The following ATAD1 variants were observed in gnomAD, a reference collection of about 807,000 sequenced individuals.
The protein encoded by ATAD1 is outer mitochondrial transmembrane helix translocase.
A neutral mutation model predicts 42.7 loss-of-function variants in ATAD1; 18 were observed. The observed-to-expected ratio is 0.42, with a 90% CI of 0.29 to 0.63. The LOEUF (loss-of-function observed/expected upper bound fraction) is 0.63. Among genes scored for constraint, ATAD1 ranks in the 20% least tolerant of loss-of-function variants. The pLI, the probability that ATAD1 is intolerant of heterozygous loss-of-function variation, is 0.19. For missense variants in ATAD1, 294 were observed against 440.4 expected, an observed-to-expected ratio of 0.67 and a Z score of 2.98; for synonymous variants, 132 against 143.1, an observed-to-expected ratio of 0.92 and a Z score of 0.55.
At chr10:87,759,668 G>A (rs1854391334) in intron 8 of ATAD1, 1 of 409,922 alleles carries the variant, frequency 2.4e-6, no homozygotes, top group Non-Finnish European at 4.9e-6. Flanking sequence ...TCCAGTCACT[G>A]GGGGAGCAAG....
At position 87,824,944 on chromosome 10, in the gene ATAD1, G is replaced by A. The variant is rs141063452; in HGVS notation, c.-13-10332C>T. 3.5e-3 allele frequency among the ~76,000 whole-genome samples: 532 copies of A among 152,216 alleles called. 1 individual carries two copies. The highest frequency in any genetic ancestry group is 0.031 in the Middle Eastern group (9 of 294). ...CGACCCAAAGATAATAAAGTTTAAC[G>A]TATTTATCGATCCATGAAAATTATG... On this transcript the variant is annotated intron_variant, in intron 1 of 4. Transcript: ENST00000495903.
rs1326810949 is a variant in ATAD1 at position 87,756,881 on chromosome 10, A to C, written c.873T>G (p.Thr291=). ...HVDLLEVAQE[T]DGFSGSDLKE... ...TTAGGTCACTTCCTGAAAACCCATC[A>C]GTTTCCTGGGCAACTTCTAGCAGGT... The change falls in exon 9 of 10, where the codon ACT becomes ACG. Residue 291 remains threonine (T), a synonymous_variant. Transcript: ENST00000680024. The C allele has an allele frequency of 1.9e-6, 3 of 1,612,712 alleles. No homozygotes were observed. In the South Asian group the frequency reaches 3.3e-5, roughly 18 times the overall value.
At chr10:87,790,456 ATT>A (rs1564761182) in intron 3 of ATAD1, 26 bp from the exon 4 acceptor site, 2 of 1,583,748 alleles carry the variant, frequency 1.3e-6, no homozygotes, top group African/African-American at 2.7e-5. Context: ...GTCAACATGA[ATT>A]TTACTACAAA....
At position 87,814,471 on chromosome 10, in the gene ATAD1, T is replaced by C. The variant is rs756999617; in HGVS notation, c.129A>G (p.Pro43=). ...TIKWMVDAID[P]TRKQKVEAQK... ...GAGCTTCTACTTTTTGCTTTCTGGT[T>C]GGATCAATTGCATCTACCATCCATT... Residue 43 remains proline, a synonymous_variant, in exon 2 of 10, where the codon CCA becomes CCG. Transcript: ENST00000680024. 1.5e-5 allele frequency: 24 copies of C among 1,602,298 alleles called. No individual in the cohort carries two copies. Among genetic ancestry groups the C allele is most frequent in the Non-Finnish European group, 1.8e-5 (21 of 1,174,768 alleles).
rs71022506 is a variant in ATAD1 at position 87,798,625 on chromosome 10, GGTGTGTGTGT to G, written c.163-5880_163-5871del. Among the ~76,000 whole-genome samples, 179 of 124,934 alleles carry G rather than the reference GGTGTGTGTGT, an allele frequency of 1.4e-3. 3 individuals carry two copies. Among genetic ancestry groups the G allele is most frequent in the African/African-American group, 5.1e-3 (168 of 32,852 alleles). The allele number at this position is 124,934 out of a possible 152,430, so 82.0% of individuals were successfully genotyped here. A position where few individuals can be genotyped will look rare whatever the true frequency, so the allele number is the denominator to read the frequency against. Reference sequence around the variant, plus strand: ...AAGTTCCAAAGTAAAAGCTATAGGGGGTGTGTGTGTGTGTGTGTGTGTGTGTGTGTATTTA... The same window carrying G: ...AAGTTCCAAAGTAAAAGCTATAGGGGGTGTGTGTGTGTGTGTGTGTATTTA... On this transcript the variant is annotated intron_variant, in intron 2 of 9. Transcript: ENST00000680024.
chr10:87,804,364 A>T lies in ATAD1; in HGVS notation c.162+10074T>A, dbSNP rs57337081. ...ACTAAACCACAATTTCAAGAAAATT[A>T]TATAGTCTAATTATTATTATTTTGA... On this transcript the variant is annotated intron_variant, in intron 2 of 9. Coordinates refer to ENST00000680024, the MANE Select transcript of ATAD1 (RefSeq NM_001321967.2). 9.5e-3 allele frequency among the ~76,000 whole-genome samples: 1,454 copies of T among 152,252 alleles called. 33 individuals are homozygous for T. Among genetic ancestry groups the T allele is most frequent in the African/African-American group, 0.033 (1,370 of 41,530 alleles).
intron 1 of ATAD1, among the ~76,000 whole-genome samples, chr10:87,839,057 G>C (rs373499330): frequency 6.6e-6 from 1 of 152,172 alleles, no homozygotes; most frequent in East Asian, 1.9e-4. Context: ...TTTTCTGCAA[G>C]ATTTATAACA....
intron 2 of ATAD1, among the ~76,000 whole-genome samples, chr10:87,814,156 T>C (rs1857309397): frequency 6.6e-6 from 1 of 152,144 alleles, no homozygotes; most frequent in Admixed American, 6.5e-5. Flanking sequence ...ATCTAGATCC[T>C]ACCTCCAAAG....
chr10:87,755,869 T>G (rs1370029082), intron 9 of ATAD1, among the ~76,000 whole-genome samples: 1 of 151,908 alleles, frequency 6.6e-6, no homozygotes, highest in Non-Finnish European at 1.5e-5. Context: ...ACCACTTCAC[T>G]CCAGCCTGGG....
At chr10:87,802,658 C>G (rs1197329845) in intron 2 of ATAD1, among the ~76,000 whole-genome samples, 1 of 148,820 alleles carries the variant, frequency 6.7e-6, no homozygotes, top group African/African-American at 2.5e-5. Flanking sequence ...AAAAAAAAAG[C>G]CTATGTAACA....
chr10:87,791,436 C>A (rs1270238591), intron 3 of ATAD1, among the ~76,000 whole-genome samples: 1 of 148,594 alleles, frequency 6.7e-6, no homozygotes, highest in Non-Finnish European at 1.5e-5. Context: ...AGGGAAGGTG[C>A]AAACCAGCAG....
rs541927768 is a variant in ATAD1, at chr10:87,800,439, A to C, written c.163-7684T>G. Among the ~76,000 whole-genome samples, 7 of 152,148 alleles carry C rather than the reference A, an allele frequency of 4.6e-5. No homozygotes were observed. In the South Asian group the frequency reaches 1.5e-3, roughly 32 times the overall value. ...CTGTTTGTTATGGCCTGATGCTAACAATGTTTTCATGAATATCCAAAGGAA... is the reference window on the plus strand; with the variant it reads ...CTGTTTGTTATGGCCTGATGCTAACCATGTTTTCATGAATATCCAAAGGAA... On this transcript the variant is annotated intron_variant, in intron 2 of 9. Transcript: ENST00000680024.
intron 1 of ATAD1, among the ~76,000 whole-genome samples, chr10:87,839,724 T>G (rs891858568): frequency 2.0e-5 from 3 of 151,548 alleles, no homozygotes; most frequent in African/African-American, 7.3e-5. Flanking sequence ...CCGCCCCCAG[T>G]AATCTTCTCC....
intron 4 of ATAD1, among the ~76,000 whole-genome samples, chr10:87,786,722 C>T (rs1379644677): frequency 6.6e-6 from 1 of 151,876 alleles, no homozygotes; most frequent in African/African-American, 2.4e-5. Flanking sequence ...TTTGGGAGGG[C>T]GAGGTGGGCA....
At chr10:87,829,422 A>AT (rs1257193948) in intron 1 of ATAD1, among the ~76,000 whole-genome samples, 37 of 151,742 alleles carry the variant, frequency 2.4e-4, no homozygotes, top group African/African-American at 8.2e-4. Flanking sequence ...TGCCCAGCTA[A>AT]TTTTTTGTAT....
chr10:87,827,884 C>A (rs1177322039), intron 1 of ATAD1, among the ~76,000 whole-genome samples: 1 of 152,130 alleles, frequency 6.6e-6, no homozygotes, highest in Non-Finnish European at 1.5e-5. Context: ...CTGAAATAGA[C>A]CAAAAGCTAG....
intron 4 of ATAD1, among the ~76,000 whole-genome samples, 195 bp from the exon 5 acceptor site, chr10:87,784,865 T>C (rs1331789953): frequency 1.3e-5 from 2 of 152,198 alleles, no homozygotes; most frequent in Non-Finnish European, 1.5e-5. Context: ...GTTAAGAGCA[T>C]GTATTTGGGG....
intron 4 of ATAD1, among the ~76,000 whole-genome samples, chr10:87,785,909 C>G (rs915233453): frequency 6.6e-6 from 1 of 152,048 alleles, no homozygotes; most frequent in African/African-American, 2.4e-5. Flanking sequence ...TCATATGAAA[C>G]TAAACTTTTC....
intron 8 of ATAD1, among the ~76,000 whole-genome samples, chr10:87,761,170 G>A (rs1490168554): frequency 1.3e-5 from 2 of 152,074 alleles, no homozygotes; most frequent in Non-Finnish European, 2.9e-5. Flanking sequence ...CTGATTTGAG[G>A]CATCTTTAAC....
Sources: allele counts gnomAD v4.1 joint callset (sites outside exome capture counted in the v4.1 genomes callset), GRCh38; gene constraint gnomAD v4.1.1; transcripts MANE v1.5; gene names NCBI Gene and HGNC (gene_info 2026-07-23, HGNC 2026-07-21).